MTREX: variants seen among roughly 807,000 people sequenced by gnomAD.
The protein encoded by MTREX is exosome RNA helicase MTR4.
A neutral mutation model predicts 135.4 loss-of-function variants in MTREX; 76 were observed. The observed-to-expected ratio is 0.56, with a 90% CI of 0.47 to 0.68. MTREX has a LOEUF of 0.68. Among genes scored for constraint, MTREX ranks in the 30% least tolerant of loss-of-function variants. The pLI is 0.00. For synonymous variants in MTREX, 404 were observed against 401.6 expected (o/e 1.01, Z -0.07); for missense variants, 920 against 1,262.1 (o/e 0.73, Z 4.11).
chr5:55,395,361 A>G (rs1750630764), intron 19 of MTREX, among the ~76,000 whole-genome samples: 1 of 151,694 alleles, frequency 6.6e-6, no homozygotes, highest in Non-Finnish European at 1.5e-5. Context: ...AGCCGAGATC[A>G]TGCCATTGCA....
intron 1 of MTREX, among the ~76,000 whole-genome samples, chr5:55,313,859 C>T (rs959254146): frequency 2.6e-5 from 4 of 152,014 alleles, no homozygotes; most frequent in African/African-American, 7.3e-5. Flanking sequence ...TCAAATTGTG[C>T]GTACATGTGT....
intron 25 of MTREX, among the ~76,000 whole-genome samples, chr5:55,418,302 A>T (rs1332706542): frequency 6.7e-6 from 1 of 149,398 alleles, no homozygotes; most frequent in Non-Finnish European, 1.5e-5. Context: ...AGATGAGTAT[A>T]TTTTTTTTTA....
intron 23 of MTREX, among the ~76,000 whole-genome samples, chr5:55,411,895 T>C (rs780349819): frequency 3.3e-5 from 5 of 152,228 alleles, no homozygotes; most frequent in African/African-American, 9.6e-5. Context: ...TGGGGATAAG[T>C]GGTCTTCCAC....
intron 14 of MTREX, chr5:55,356,411 G>T: frequency 4.9e-6 from 1 of 203,236 alleles, no homozygotes; most frequent in South Asian, 9.9e-5. Context: ...ACGTGGACTG[G>T]GCATATTTGG....
At chr5:55,402,780 A>G (rs13187286) in intron 21 of MTREX, among the ~76,000 whole-genome samples, 8,991 of 150,402 alleles carry the variant, frequency 0.06, 497 homozygotes, top group African/African-American at 0.12. Flanking sequence ...TAATGTGCTT[A>G]TATGTATATA....
intron 7 of MTREX, among the ~76,000 whole-genome samples, chr5:55,343,040 G>A (rs559897836): frequency 1.3e-5 from 2 of 152,100 alleles, no homozygotes; most frequent in South Asian, 2.1e-4. Flanking sequence ...ATACTGTTCC[G>A]CTGCCTTGTC....
At chr5:55,358,751 A>G (rs1749961743) in intron 15 of MTREX, 53 bp downstream of exon 15, 25 of 1,459,072 alleles carry the variant, frequency 1.7e-5, no homozygotes, top group Non-Finnish European at 2.3e-5. Context: ...AATATACTTC[A>G]GGAGCCATTT....
chr5:55,350,665 T>C (rs919434133), intron 12 of MTREX, among the ~76,000 whole-genome samples: 7 of 152,160 alleles, frequency 4.6e-5, no homozygotes, highest in African/African-American at 1.7e-4. Flanking sequence ...GATGAAGTGA[T>C]GCTGGAAAAT....
intron 15 of MTREX, among the ~76,000 whole-genome samples, chr5:55,363,346 G>A (rs1750047216): frequency 1.3e-5 from 2 of 152,112 alleles, no homozygotes; most frequent in African/African-American, 4.8e-5. Context: ...AAATGTAAGA[G>A]ATCATTATAT....
At chr5:55,374,286 A>ATATATATATATATATATATAT (rs58169395) in intron 16 of MTREX, among the ~76,000 whole-genome samples, 3 of 144,836 alleles carry the variant, frequency 2.1e-5, no homozygotes, top group African/African-American at 7.9e-5. Flanking sequence ...ATATATATAT[A>ATATATATATATATATATATAT]AACAATTTTT....
chr5:55,377,293 C>T (rs1312518884), intron 16 of MTREX, among the ~76,000 whole-genome samples: 1 of 152,108 alleles, frequency 6.6e-6, no homozygotes, highest in Non-Finnish European at 1.5e-5. Flanking sequence ...CGCCACTGCA[C>T]TCTAGCCTGG....
At chr5:55,326,785 T>G (rs533618969) in intron 3 of MTREX, among the ~76,000 whole-genome samples, 31 of 152,270 alleles carry the variant, frequency 2.0e-4, no homozygotes, top group African/African-American at 6.3e-4. Flanking sequence ...GCCATGGTGG[T>G]TTGCTGCACC....
intron 18 of MTREX, among the ~76,000 whole-genome samples, chr5:55,379,934 AT>A (rs1561203117): frequency 2.0e-5 from 3 of 151,550 alleles, no homozygotes; most frequent in Admixed American, 6.6e-5. Flanking sequence ...TTTTTTGTTT[AT>A]TTTTTTTCTT....
intron 15 of MTREX, among the ~76,000 whole-genome samples, chr5:55,364,539 T>A (rs1750066404): frequency 6.6e-6 from 1 of 152,128 alleles, no homozygotes; most frequent in South Asian, 2.1e-4. Flanking sequence ...TATTGCTGAG[T>A]AGGGTAGTAT....
At chr5:55,402,698 G>GGTT (rs2111595808) in intron 21 of MTREX, among the ~76,000 whole-genome samples, 1 of 151,800 alleles carries the variant, frequency 6.6e-6, no homozygotes, top group South Asian at 2.1e-4. Flanking sequence ...AACTTTAAGT[G>GGTT]GTTGTGTTAC....
At chr5:55,349,338 C>T (rs1404526395) in intron 11 of MTREX, among the ~76,000 whole-genome samples, 2 of 151,950 alleles carry the variant, frequency 1.3e-5, no homozygotes, top group African/African-American at 2.4e-5. Context: ...AGGTGCACGC[C>T]GCAATGCCTG....
intron 15 of MTREX, among the ~76,000 whole-genome samples, chr5:55,362,830 G>A (rs6450303): frequency 0.13 from 19,612 of 152,126 alleles, 1,498 homozygotes; most frequent in East Asian, 0.26. Flanking sequence ...TTAGCGGTTA[G>A]GTATTATATT....
chr5:55,355,009 GAGA>G (rs1316657203), intron 14 of MTREX, among the ~76,000 whole-genome samples: 1 of 152,188 alleles, frequency 6.6e-6, no homozygotes, highest in African/African-American at 2.4e-5. Flanking sequence ...GGGAAGCTCT[GAGA>G]AGGTCAGTGC....
chr5:55,322,967 G>C (rs1281316716), intron 2 of MTREX, among the ~76,000 whole-genome samples: 1 of 152,186 alleles, frequency 6.6e-6, no homozygotes. Flanking sequence ...AAAAGTTGAT[G>C]CCAGTACCCT....
Sources: allele counts gnomAD v4.1 joint callset (sites outside exome capture counted in the v4.1 genomes callset), GRCh38; gene constraint gnomAD v4.1.1; transcripts MANE v1.5; gene names NCBI Gene and HGNC (gene_info 2026-07-23, HGNC 2026-07-21).